GMDS: variants seen among roughly 807,000 people sequenced by gnomAD.
GMDS encodes GDP-mannose 4,6 dehydratase.
Under a neutral mutation model 49.9 loss-of-function variants are expected in GMDS, and 20 were observed. The observed-to-expected ratio is 0.40, with a 90% confidence interval of 0.28 to 0.58. The LOEUF (loss-of-function observed/expected upper bound fraction) is 0.58, where lower values mean the gene tolerates loss of function less well. Among genes scored for constraint, GMDS ranks in the 20% least tolerant of loss-of-function variants. The pLI, the probability that GMDS is intolerant of heterozygous loss-of-function variation, is 0.42. For missense variants in GMDS, 362 were observed against 481.4 expected, an observed-to-expected ratio of 0.75 and a Z score of 2.32; for synonymous variants, 177 against 178.6, an observed-to-expected ratio of 0.99 and a Z score of 0.07.
intron 9 of GMDS, among the ~76,000 whole-genome samples, chr6:1,645,996 G>A (rs370639176): frequency 1.1e-4 from 16 of 152,282 alleles, no homozygotes; most frequent in East Asian, 3.9e-4. Context: ...TGCCTGGCAC[G>A]CAGAGGCACT....
chr6:2,137,334 T>C (rs1053967144), intron 1 of GMDS, among the ~76,000 whole-genome samples: 12 of 93,168 alleles, frequency 1.3e-4, no homozygotes, highest in African/African-American at 9.7e-4. Flanking sequence ...CTATATTCCC[T>C]TTTTTTTTTT....
At chr6:1,666,940 A>G (rs1200691424) in intron 9 of GMDS, among the ~76,000 whole-genome samples, 2 of 152,228 alleles carry the variant, frequency 1.3e-5, no homozygotes, top group African/African-American at 4.8e-5. Flanking sequence ...CTCTGGGGGA[A>G]GGGCACTGTG....
intron 9 of GMDS, among the ~76,000 whole-genome samples, chr6:1,683,041 G>A (rs1168452445): frequency 2.6e-5 from 4 of 151,834 alleles, no homozygotes; most frequent in African/African-American, 9.7e-5. Context: ...GCACGTGGGA[G>A]TCTCACTATG....
chr6:1,624,107 GTCTGCACCGGAGAC>G lies in GMDS; in HGVS notation c.*48_*61del. On this transcript the variant is annotated 3_prime_UTR_variant, in exon 11 of 11. Transcript: ENST00000380815. ...ACGCCGCTCCCCATCCCCGCAGCGC[GTCTGCACCGGAGAC>G]TCTGCGGGGATTGTAGCCGGAGGGC... The G allele has an allele frequency of 6.9e-7, 1 of 1,442,798 alleles. No homozygotes were observed. The highest frequency in any genetic ancestry group is 9.6e-7 in the Non-Finnish European group (1 of 1,037,900). 89.4% of individuals were successfully genotyped at this position (1,442,798 alleles called of 1,614,324 possible).
intron 7 of GMDS, among the ~76,000 whole-genome samples, chr6:1,810,392 C>T (rs1770368140): frequency 6.6e-6 from 1 of 152,176 alleles, no homozygotes; most frequent in South Asian, 2.1e-4. Context: ...AAATGATTCT[C>T]CTGCCTTGGC....
chr6:1,653,882 G>A (rs1275878736), intron 9 of GMDS, among the ~76,000 whole-genome samples: 1 of 152,176 alleles, frequency 6.6e-6, no homozygotes, highest in Admixed American at 6.5e-5. Flanking sequence ...ATGACATTGG[G>A]TTTGGCAATG....
At chr6:1,955,835 C>A (rs1011739475) in intron 6 of GMDS, among the ~76,000 whole-genome samples, 12 of 151,796 alleles carry the variant, frequency 7.9e-5, no homozygotes, top group Non-Finnish European at 1.6e-4. Context: ...AGAAGGCAGT[C>A]AAAACCGTAA....
intron 7 of GMDS, among the ~76,000 whole-genome samples, chr6:1,842,432 G>C (rs1162747836): frequency 1.3e-5 from 2 of 152,228 alleles, no homozygotes; most frequent in Non-Finnish European, 2.9e-5. Context: ...GATGGGAGAG[G>C]AGGCCTGCTG....
chr6:1,813,392 G>T (rs1164089104), intron 7 of GMDS, among the ~76,000 whole-genome samples: 1 of 152,052 alleles, frequency 6.6e-6, no homozygotes, highest in African/African-American at 2.4e-5. Context: ...GAAACCCAGC[G>T]CTCAATGCCT....
intron 9 of GMDS, among the ~76,000 whole-genome samples, chr6:1,695,214 T>C (rs1008919735): frequency 3.3e-5 from 5 of 152,238 alleles, no homozygotes; most frequent in African/African-American, 1.2e-4. Context: ...TGGAGAATCC[T>C]GAAGAGTCTG....
chr6:2,092,041 T>C (rs1486078821), intron 4 of GMDS, among the ~76,000 whole-genome samples: 1 of 152,062 alleles, frequency 6.6e-6, no homozygotes, highest in Non-Finnish European at 1.5e-5. Context: ...TTCTAAATAT[T>C]AAAAATAGAA....
chr6:2,096,909 T>G (rs1016127595), intron 4 of GMDS, among the ~76,000 whole-genome samples: 1 of 152,134 alleles, frequency 6.6e-6, no homozygotes. Flanking sequence ...ACTAATTAAG[T>G]TAGTGACTGT....
intron 6 of GMDS, among the ~76,000 whole-genome samples, chr6:1,950,832 T>C (rs1261188013): frequency 3.3e-5 from 5 of 152,006 alleles, no homozygotes; most frequent in Admixed American, 3.3e-4. Flanking sequence ...CTCACCACCA[T>C]GAACCATCTG....
At chr6:1,914,298 T>C (rs1220214587) in intron 7 of GMDS, among the ~76,000 whole-genome samples, 2 of 151,274 alleles carry the variant, frequency 1.3e-5, no homozygotes, top group African/African-American at 4.9e-5. Context: ...CTACTAAAAA[T>C]ACAAAAAGTT....
At chr6:1,688,849 T>G (rs886501862) in intron 9 of GMDS, among the ~76,000 whole-genome samples, 2 of 152,242 alleles carry the variant, frequency 1.3e-5, no homozygotes. Context: ...TTTATTTTTT[T>G]AAAGTCAGCT....
intron 4 of GMDS, among the ~76,000 whole-genome samples, chr6:1,991,316 A>G (rs1284687220): frequency 6.6e-6 from 1 of 151,968 alleles, no homozygotes; most frequent in African/African-American, 2.4e-5. Context: ...CTGGTCTCAT[A>G]TAAGTGCTCA....
At chr6:1,743,845 A>G (rs1393313820) in intron 7 of GMDS, among the ~76,000 whole-genome samples, 4 of 151,778 alleles carry the variant, frequency 2.6e-5, no homozygotes, top group Non-Finnish European at 4.4e-5. Context: ...CAAAACAAAA[A>G]AAAATCAATC....
chr6:2,235,629 G>T (rs1781321629), intron 1 of GMDS, among the ~76,000 whole-genome samples: 1 of 149,600 alleles, frequency 6.7e-6, no homozygotes. Context: ...AGCACGGCAA[G>T]ACCCCATCTT....
chr6:2,142,257 T>C (rs1776337384), intron 1 of GMDS, among the ~76,000 whole-genome samples: 1 of 152,054 alleles, frequency 6.6e-6, no homozygotes, highest in South Asian at 2.1e-4. Flanking sequence ...CTGTTATAGG[T>C]CGAATTCTGT....
Sources: allele counts gnomAD v4.1 joint callset (sites outside exome capture counted in the v4.1 genomes callset), GRCh38; gene constraint gnomAD v4.1.1; transcripts MANE v1.5; gene names NCBI Gene and HGNC (gene_info 2026-07-23, HGNC 2026-07-21).